The following PRKG1 variants were observed in gnomAD, a reference collection of about 807,000 sequenced individuals.
The protein encoded by PRKG1 is cGMP-dependent protein kinase 1.
A neutral mutation model predicts 88.1 loss-of-function variants in PRKG1; 35 were observed. That is an observed-to-expected ratio of 0.40 (90% CI 0.30 to 0.53). The LOEUF (loss-of-function observed/expected upper bound fraction) is 0.53. PRKG1 is among the 20% of genes least tolerant of loss of function. The pLI, the probability that PRKG1 is intolerant of heterozygous loss-of-function variation, is 0.59. For synonymous variants in PRKG1, 303 were observed against 292.5 expected (o/e 1.04, Z -0.37); for missense variants, 540 against 839.8 (o/e 0.64, Z 4.41).
chr10:51,181,155 C>T (rs1047362700), intron 2 of PRKG1, among the ~76,000 whole-genome samples: 3 of 150,026 alleles, frequency 2.0e-5, no homozygotes, highest in South Asian at 4.2e-4. Flanking sequence ...AAAACAAAAA[C>T]GAAATCTTCT....
chr10:51,014,234 C>T (rs181374246), intron 1 of PRKG1, among the ~76,000 whole-genome samples: 13 of 152,094 alleles, frequency 8.5e-5, no homozygotes, highest in Admixed American at 7.9e-4. Flanking sequence ...GATAGAAGTG[C>T]ACCAGGGCTT....
At chr10:51,145,157 C>T (rs1010201239) in intron 1 of PRKG1, among the ~76,000 whole-genome samples, 5 of 152,074 alleles carry the variant, frequency 3.3e-5, no homozygotes, top group African/African-American at 1.2e-4. Context: ...CTAACAGTAA[C>T]ATCATGGCAC....
At chr10:51,508,193 A>G (rs1420073788) in intron 3 of PRKG1, among the ~76,000 whole-genome samples, 1 of 152,190 alleles carries the variant, frequency 6.6e-6, no homozygotes, top group East Asian at 1.9e-4. Context: ...GGACCTGGCA[A>G]AGTGTTAATG....
chr10:51,138,977 C>A (rs565608273), intron 1 of PRKG1, among the ~76,000 whole-genome samples: 1 of 152,040 alleles, frequency 6.6e-6, no homozygotes, highest in Non-Finnish European at 1.5e-5. Context: ...CCACTCCGCC[C>A]GGCCACATTT....
At chr10:51,925,782 T>C (rs942736392) in intron 5 of PRKG1, among the ~76,000 whole-genome samples, 5 of 152,140 alleles carry the variant, frequency 3.3e-5, no homozygotes, top group Admixed American at 3.3e-4. Context: ...TAGTCTGTCT[T>C]TCTGATTTTT....
chr10:51,189,836 T>G (rs909328424), intron 2 of PRKG1, among the ~76,000 whole-genome samples: 1 of 151,968 alleles, frequency 6.6e-6, no homozygotes, highest in African/African-American at 2.4e-5. Flanking sequence ...CTATATATTT[T>G]GTATTTATTT....
intron 4 of PRKG1, among the ~76,000 whole-genome samples, chr10:51,880,926 CA>C (rs962632746): frequency 1.3e-5 from 2 of 151,274 alleles, no homozygotes; most frequent in African/African-American, 4.9e-5. Context: ...AGACATTAAA[CA>C]AATAACTACC....
intron 3 of PRKG1, among the ~76,000 whole-genome samples, chr10:51,713,230 T>A (rs1841805396): frequency 2.0e-5 from 3 of 152,222 alleles, no homozygotes; most frequent in African/African-American, 7.2e-5. Flanking sequence ...CAGCTTCCTG[T>A]CAGTTTTGTA....
intron 2 of PRKG1, among the ~76,000 whole-genome samples, chr10:51,260,600 C>G (rs963051402): frequency 1.3e-5 from 2 of 152,128 alleles, no homozygotes; most frequent in African/African-American, 4.8e-5. Flanking sequence ...TGGTGAAATG[C>G]AGATTGCTCC....
At chr10:51,207,127 A>T (rs143212446) in intron 2 of PRKG1, among the ~76,000 whole-genome samples, 112 of 152,342 alleles carry the variant, frequency 7.4e-4, no homozygotes, top group African/African-American at 2.2e-3. Flanking sequence ...CCTGAAGTTG[A>T]CAAGTCAGGC....
At chr10:51,260,033 C>T (rs956661324) in intron 2 of PRKG1, among the ~76,000 whole-genome samples, 1 of 152,134 alleles carries the variant, frequency 6.6e-6, no homozygotes, top group African/African-American at 2.4e-5. Context: ...TATATACACA[C>T]ACATATGCAT....
intron 9 of PRKG1, chr10:52,241,962 C>G (rs368332599): frequency 6.6e-6 from 1 of 152,140 alleles, no homozygotes; most frequent in Non-Finnish European, 1.5e-5. Context: ...GAAGGCAAAA[C>G]GTGATTTGTC....
At chr10:51,954,597 C>A (rs971212258) in intron 5 of PRKG1, among the ~76,000 whole-genome samples, 1 of 152,122 alleles carries the variant, frequency 6.6e-6, no homozygotes, top group Non-Finnish European at 1.5e-5. Context: ...CATATCACAC[C>A]TTAGCTTAAT....
rs537626935 is a variant in PRKG1, at chr10:51,165,202, A to C, written c.478+11872A>C. Among the ~76,000 whole-genome samples the C allele has an allele frequency of 3.3e-5, 5 of 152,356 alleles. No individual in the cohort carries two copies. The South Asian group carries it at 1.0e-3, about 32-fold the overall frequency. The stretch of plus-strand genomic sequence containing the variant: ...CCATCAGACTAACAGCAGAACTCTC[A>C]GCAGAAACTCTACAAGCCAGAAGAG... On this transcript the variant is annotated intron_variant, in intron 2 of 17. Coordinates refer to ENST00000373980, the MANE Select transcript of PRKG1 (RefSeq NM_006258.4).
rs75509425 is a variant in PRKG1 at position 52,115,658 on chromosome 10, C to T, written c.936-18182C>T. Among the ~76,000 whole-genome samples the T allele has an allele frequency of 8.5e-3, 1,290 of 152,190 alleles. 19 individuals are homozygous for T. Among genetic ancestry groups the T allele is most frequent in the African/African-American group, 0.029 (1,207 of 41,546 alleles). On this transcript the variant is annotated intron_variant, in intron 7 of 17. Transcript: ENST00000373980. ...GGGATATTCCCATGTGATTTGTTGTCACTGTGCTCACACCTTTAGCCTACT... is the reference window on the plus strand; with the variant it reads ...GGGATATTCCCATGTGATTTGTTGTTACTGTGCTCACACCTTTAGCCTACT...
chr10:52,148,070 A>C (rs73344915), intron 8 of PRKG1, among the ~76,000 whole-genome samples: 3,931 of 152,326 alleles, frequency 0.026, 150 homozygotes, highest in African/African-American at 0.09. Context: ...TCAGTGTACT[A>C]TGTAAGAACT....
chr10:52,063,975 G>A (rs1273318227), intron 7 of PRKG1, among the ~76,000 whole-genome samples: 1 of 152,188 alleles, frequency 6.6e-6, no homozygotes, highest in African/African-American at 2.4e-5. Flanking sequence ...TGGTTCATGA[G>A]TGGCAATAGG....
chr10:51,610,404 T>C (rs1838876897), intron 3 of PRKG1, among the ~76,000 whole-genome samples: 2 of 152,198 alleles, frequency 1.3e-5, no homozygotes, highest in Non-Finnish European at 2.9e-5. Context: ...TTTCTGTGCC[T>C]GGCTTATTTC....
At chr10:52,170,893 C>T (rs189557219) in intron 9 of PRKG1, among the ~76,000 whole-genome samples, 2 of 152,174 alleles carry the variant, frequency 1.3e-5, no homozygotes, top group East Asian at 3.9e-4. Flanking sequence ...GGCTTTCAGA[C>T]AGAACGGCTG....
Sources: gnomAD v4.1 joint callset for allele counts (sites outside exome capture counted in the v4.1 genomes callset) on GRCh38, gnomAD v4.1.1 for gene constraint, MANE v1.5 for transcripts, NCBI Gene and HGNC (gene_info 2026-07-23, HGNC 2026-07-21) for gene names.